The following GNG4 variants were observed in gnomAD, a reference collection of about 807,000 sequenced individuals.
GNG4 encodes G protein subunit gamma 4.
A neutral mutation model predicts 5.8 loss-of-function variants in GNG4; 4 were observed. The ratio of observed to expected loss-of-function variants is 0.69; its 90% CI spans 0.34 to 1.57. The LOEUF (loss-of-function observed/expected upper bound fraction) is 1.57. Ranked by LOEUF, GNG4 falls within the 40% of genes most tolerant of loss-of-function variation. The pLI is 0.06. For missense variants in GNG4, 96 were observed against 95.1 expected (o/e 1.01, Z -0.04); for synonymous variants, 29 against 32.9 (o/e 0.88, Z 0.41).
At chr1:235,602,912 C>T (rs1222825682) in intron 1 of GNG4, among the ~76,000 whole-genome samples, 1 of 152,098 alleles carries the variant, frequency 6.6e-6, no homozygotes, top group Non-Finnish European at 1.5e-5. Context: ...CTTGGCATTC[C>T]CTCAAGAATA....
chr1:235,596,201 A>T (rs1174199464), intron 1 of GNG4, among the ~76,000 whole-genome samples: 5 of 122,098 alleles, frequency 4.1e-5, no homozygotes, highest in Non-Finnish European at 6.6e-5. Flanking sequence ...AAAAACAAAC[A>T]AACAAAATAC....
At chr1:235,611,836 G>C (rs1189616971) in intron 1 of GNG4, among the ~76,000 whole-genome samples, 1 of 152,038 alleles carries the variant, frequency 6.6e-6, no homozygotes, top group African/African-American at 2.4e-5. Context: ...GTCGAGGCGG[G>C]AGGATCGCTT....
intron 1 of GNG4, among the ~76,000 whole-genome samples, chr1:235,622,031 T>A (rs1191975848): frequency 6.6e-6 from 1 of 152,144 alleles, no homozygotes; most frequent in African/African-American, 2.4e-5. Context: ...AATTAGAAAA[T>A]AAAATTAACT....
chr1:235,613,977 C>T (rs998553505), intron 1 of GNG4, among the ~76,000 whole-genome samples: 1 of 152,156 alleles, frequency 6.6e-6, no homozygotes, highest in Non-Finnish European at 1.5e-5. Context: ...CCACGACTGG[C>T]TAATTTTTGT....
At chr1:235,592,866 T>C (rs558523107) in intron 2 of GNG4, among the ~76,000 whole-genome samples, 1 of 152,048 alleles carries the variant, frequency 6.6e-6, no homozygotes, top group African/African-American at 2.4e-5. Context: ...TTAAACACCC[T>C]CCTTTCTTCC....
At chr1:235,626,917 T>A (rs1688823674) in intron 1 of GNG4, among the ~76,000 whole-genome samples, 1 of 118,096 alleles carries the variant, frequency 8.5e-6, no homozygotes, top group Admixed American at 1.1e-4. Flanking sequence ...TGAGATTGCA[T>A]CACTGCACTC....
At chr1:235,625,087 AGGGGCTCT>A (rs147989886) in intron 1 of GNG4, among the ~76,000 whole-genome samples, 7,896 of 152,078 alleles carry the variant, frequency 0.052, 426 homozygotes, top group African/African-American at 0.14. Context: ...AGCCTGGCAA[AGGGGCTCT>A]GGGGCTCTGG....
chr1:235,574,038 G>A (rs1220447152), intron 3 of GNG4, among the ~76,000 whole-genome samples: 1 of 152,162 alleles, frequency 6.6e-6, no homozygotes, highest in Non-Finnish European at 1.5e-5. Flanking sequence ...TCAAAAGGTA[G>A]TGGTTATAGA....
At chr1:235,599,888 C>CT (rs1688217526) in intron 1 of GNG4, among the ~76,000 whole-genome samples, 1 of 152,128 alleles carries the variant, frequency 6.6e-6, no homozygotes, top group African/African-American at 2.4e-5. Flanking sequence ...AGAAAAGACA[C>CT]TATCAATTTC....
At chr1:235,590,930 A>G (rs1435681025) in intron 2 of GNG4, among the ~76,000 whole-genome samples, 2 of 152,178 alleles carry the variant, frequency 1.3e-5, no homozygotes, top group African/African-American at 4.8e-5. Context: ...TTTAACGTGC[A>G]TATGAATCAC....
At chr1:235,628,739 G>A (rs73122516) in intron 1 of GNG4, among the ~76,000 whole-genome samples, 2,779 of 152,270 alleles carry the variant, frequency 0.018, 88 homozygotes, top group African/African-American at 0.062. Flanking sequence ...ATTGAGACTC[G>A]CATCAGCCCT....
chr1:235,597,429 A>G (rs973697946), intron 1 of GNG4, among the ~76,000 whole-genome samples: 3 of 150,662 alleles, frequency 2.0e-5, no homozygotes, highest in African/African-American at 7.3e-5. Context: ...TTGAAATCCA[A>G]AGCCCCAAGG....
Position 235,562,715 on chromosome 1 carries a change from A to G in GNG4, c.100-10478T>C, listed in dbSNP as rs191643100. On this transcript the variant is annotated intron_variant, in intron 3 of 3. Coordinates refer to ENST00000391854, the MANE Select transcript of GNG4 (RefSeq NM_001098722.2). ...AAAATTTGCTGGGATTCTGATTGGGATCACATTGAATCTACAGATCAAGTT... is the reference window on the plus strand; with the variant it reads ...AAAATTTGCTGGGATTCTGATTGGGGTCACATTGAATCTACAGATCAAGTT... 1.3e-4 allele frequency among the ~76,000 whole-genome samples: 20 copies of G among 151,322 alleles called. No homozygotes were observed. The East Asian group carries it at 3.5e-3, about 26-fold the overall frequency.
At chr1:235,577,289 G>A (rs1687507904) in intron 3 of GNG4, among the ~76,000 whole-genome samples, 1 of 152,140 alleles carries the variant, frequency 6.6e-6, no homozygotes, top group African/African-American at 2.4e-5. Context: ...CTGTGGGCCT[G>A]GGAGTTGCCA....
intron 3 of GNG4, among the ~76,000 whole-genome samples, chr1:235,555,554 C>T (rs962612517): frequency 2.0e-5 from 3 of 151,854 alleles, no homozygotes; most frequent in African/African-American, 4.8e-5. Flanking sequence ...TAGTGCACAC[C>T]GGCAGTCCCA....
intron 1 of GNG4, among the ~76,000 whole-genome samples, chr1:235,611,204 G>A (rs866720642): frequency 8.0e-5 from 12 of 149,190 alleles, no homozygotes; most frequent in African/African-American, 2.2e-4. Flanking sequence ...GTTTCACTCC[G>A]TCACCCAGGC....
intron 3 of GNG4, among the ~76,000 whole-genome samples, chr1:235,571,047 T>G (rs1018805638): frequency 1.5e-4 from 23 of 148,544 alleles, no homozygotes; most frequent in Non-Finnish European, 5.9e-5. Context: ...GCAAACCTCC[T>G]GCCTTGGCCT....
At position 235,558,000 on chromosome 1, in the gene GNG4, A is replaced by G. The variant is rs1296537149; in HGVS notation, c.100-5763T>C. Among the ~76,000 whole-genome samples the G allele has an allele frequency of 2.6e-5, 4 of 152,218 alleles. No homozygotes were observed. The East Asian group carries it at 7.7e-4, about 29-fold the overall frequency. ...CTGATGCCACAATTTTTCTTGCAAGAAAACGAGTTGTTCTTAGATTGCCTC... is the reference window on the plus strand; with the variant it reads ...CTGATGCCACAATTTTTCTTGCAAGGAAACGAGTTGTTCTTAGATTGCCTC... On this transcript the variant is annotated intron_variant, in intron 3 of 3. Coordinates refer to ENST00000391854, the MANE Select transcript of GNG4 (RefSeq NM_001098722.2).
At chr1:235,579,862 A>AAAAAAAAAAAAAAAAAAAAAAAAT (rs57019025) in intron 3 of GNG4, among the ~76,000 whole-genome samples, 3 of 108,556 alleles carry the variant, frequency 2.8e-5, no homozygotes, top group East Asian at 3.0e-4. Context: ...CAAAAAAAAA[A>AAAAAAAAAAAAAAAAAAAAAAAAT]AGGTAAAAAG....
Sources: allele counts gnomAD v4.1 joint callset (sites outside exome capture counted in the v4.1 genomes callset), GRCh38; gene constraint gnomAD v4.1.1; transcripts MANE v1.5; gene names NCBI Gene and HGNC (gene_info 2026-07-23, HGNC 2026-07-21).